The following RARB variants were observed in gnomAD, a reference collection of about 807,000 sequenced individuals.
The protein encoded by RARB is retinoic acid receptor beta.
A neutral mutation model predicts 51.9 loss-of-function variants in RARB; 17 were observed. The ratio of observed to expected loss-of-function variants is 0.33; its 90% CI spans 0.22 to 0.49. RARB has a LOEUF of 0.49. Among genes scored for constraint, RARB ranks in the 20% least tolerant of loss-of-function variants. The probability of loss-of-function intolerance (pLI) is 0.99; values close to 1 mark genes in which losing one functional copy is unlikely to be tolerated. For synonymous variants in RARB, 215 were observed against 195.4 expected (o/e 1.10, Z -0.84); for missense variants, 369 against 550.8 (o/e 0.67, Z 3.30).
chr3:25,045,570 C>A (rs1311142318), intron 2 of RARB, among the ~76,000 whole-genome samples: 1 of 152,212 alleles, frequency 6.6e-6, no homozygotes, highest in Admixed American at 6.5e-5. Flanking sequence ...GTTGCTACTT[C>A]TACTACAGTG....
At chr3:25,188,975 A>C (rs1007761905) in intron 5 of RARB, among the ~76,000 whole-genome samples, 1 of 152,146 alleles carries the variant, frequency 6.6e-6, no homozygotes. Context: ...ATAGATAATA[A>C]ATGTTGCTCA....
At chr3:25,170,618 G>A (rs1461826761) in intron 4 of RARB, among the ~76,000 whole-genome samples, 2 of 152,096 alleles carry the variant, frequency 1.3e-5, no homozygotes, top group Admixed American at 1.3e-4. Flanking sequence ...GAAGTATAAG[G>A]TTGGAAGCTT....
chr3:25,140,070 T>A (rs971614865), intron 4 of RARB, among the ~76,000 whole-genome samples: 1 of 149,494 alleles, frequency 6.7e-6, no homozygotes, highest in Non-Finnish European at 1.5e-5. Flanking sequence ...GAGGTGGAGA[T>A]ATACAAGGAC....
intron 5 of RARB, among the ~76,000 whole-genome samples, chr3:25,399,331 T>G (rs1003589104): frequency 1.3e-5 from 2 of 152,144 alleles, no homozygotes; most frequent in Non-Finnish European, 2.9e-5. Context: ...ATTTGCACAT[T>G]TAAAGTACTC....
intron 5 of RARB, among the ~76,000 whole-genome samples, chr3:25,344,982 C>G (rs939499714): frequency 2.8e-4 from 42 of 152,296 alleles, no homozygotes; most frequent in African/African-American, 1.0e-3. Flanking sequence ...TGGTCTTAAG[C>G]ATTTTCTTTT....
chr3:25,487,585 G>T (rs1696534590), intron 2 of RARB, among the ~76,000 whole-genome samples: 1 of 151,666 alleles, frequency 6.6e-6, no homozygotes, highest in Admixed American at 6.6e-5. Flanking sequence ...ATTCAGATCA[G>T]TATATTTTTG....
chr3:24,870,441 G>A (rs927311930), intron 2 of RARB, among the ~76,000 whole-genome samples: 11 of 151,930 alleles, frequency 7.2e-5, no homozygotes, highest in African/African-American at 2.4e-4. Context: ...TCAAATTTCT[G>A]TATGTATTTT....
chr3:25,047,994 A>C (rs890970962), intron 2 of RARB, among the ~76,000 whole-genome samples: 1 of 152,154 alleles, frequency 6.6e-6, no homozygotes, highest in Non-Finnish European at 1.5e-5. Flanking sequence ...TGGTTTCATA[A>C]ATGGGAGTTC....
intron 3 of RARB, among the ~76,000 whole-genome samples, chr3:25,508,755 G>A (rs1327736315): frequency 6.6e-6 from 1 of 151,844 alleles, no homozygotes; most frequent in Non-Finnish European, 1.5e-5. Flanking sequence ...AATCCCTGAA[G>A]AGCCCCCCAA....
At chr3:25,320,922 A>G (rs1217924236) in intron 5 of RARB, among the ~76,000 whole-genome samples, 1 of 152,250 alleles carries the variant, frequency 6.6e-6, no homozygotes, top group Non-Finnish European at 1.5e-5. Context: ...AACAGAGGAT[A>G]GAACCTGGAA....
chr3:25,438,035 C>T (rs573721745), intron 1 of RARB, among the ~76,000 whole-genome samples: 14 of 152,320 alleles, frequency 9.2e-5, no homozygotes, highest in African/African-American at 2.9e-4. Flanking sequence ...CCCTCTGCTC[C>T]GCATGCTGTC....
chr3:24,838,992 A>G (rs1669478669), intron 1 of RARB, among the ~76,000 whole-genome samples: 1 of 151,740 alleles, frequency 6.6e-6, no homozygotes, highest in African/African-American at 2.4e-5. Flanking sequence ...AACCTAATAT[A>G]TTATGGGATG....
chr3:25,326,338 G>A (rs1704715833), intron 5 of RARB, among the ~76,000 whole-genome samples: 1 of 152,046 alleles, frequency 6.6e-6, no homozygotes, highest in Admixed American at 6.5e-5. Context: ...ACTGATAGTT[G>A]GACAAAGGTT....
rs573421106 is a variant in RARB, at chr3:25,486,470, C to T, written c.307-14712C>T. ...GCCCTGGCAGAGGATATTTGGCCAA[C>T]GAAGTCACTCTCCCATGCAACCTTC... is the stretch of plus-strand genomic sequence containing the variant. On this transcript the variant is annotated intron_variant, in intron 2 of 7. Coordinates refer to ENST00000330688, the MANE Select transcript of RARB (RefSeq NM_000965.5). Among the ~76,000 whole-genome samples the T allele has an allele frequency of 2.2e-4, 33 of 152,286 alleles. No individual in the cohort carries two copies. In the South Asian group the frequency reaches 5.6e-3, roughly 26 times the overall value.
intron 1 of RARB, among the ~76,000 whole-genome samples, chr3:24,831,570 A>G (rs1702282169): frequency 6.6e-6 from 1 of 152,176 alleles, no homozygotes; most frequent in Admixed American, 6.5e-5. Context: ...CATCATTTGC[A>G]TAAATGAATA....
intron 2 of RARB, among the ~76,000 whole-genome samples, chr3:24,936,403 T>C (rs1259260785): frequency 1.3e-5 from 2 of 152,130 alleles, no homozygotes; most frequent in African/African-American, 4.8e-5. Flanking sequence ...ATAATCTCAG[T>C]TTAAAAGTCA....
At position 25,284,073 on chromosome 3, in the gene RARB, C is replaced by T. The variant is rs1703590365; in HGVS notation, c.178+109498C>T. Among the ~76,000 whole-genome samples the T allele has an allele frequency of 3.3e-5, 5 of 152,200 alleles. 1 individual carries two copies. In the South Asian group the frequency reaches 1.0e-3, roughly 31 times the overall value. ...CTTCCCTTCATTCCTCCCTCCTTCTCATTTTGCTGCATTGATGAAGTAAAC... is the reference window on the plus strand; with the variant it reads ...CTTCCCTTCATTCCTCCCTCCTTCTTATTTTGCTGCATTGATGAAGTAAAC... On this transcript the variant is annotated intron_variant, in intron 5 of 11. Coordinates refer to the RARB transcript ENST00000383772.
chr3:25,118,946 GTAAA>G (rs1259619304), intron 3 of RARB, among the ~76,000 whole-genome samples: 2 of 152,058 alleles, frequency 1.3e-5, no homozygotes, highest in African/African-American at 4.8e-5. Context: ...AAAAATATCA[GTAAA>G]TAGAGTATCC....
intron 5 of RARB, among the ~76,000 whole-genome samples, chr3:25,182,131 G>A (rs1438272589): frequency 6.6e-6 from 1 of 152,164 alleles, no homozygotes; most frequent in South Asian, 2.1e-4. Flanking sequence ...CATACAGCAG[G>A]TGATATGTGT....
Sources: allele counts gnomAD v4.1 joint callset (sites outside exome capture counted in the v4.1 genomes callset), GRCh38; gene constraint gnomAD v4.1.1; transcripts MANE v1.5; gene names NCBI Gene and HGNC (gene_info 2026-07-23, HGNC 2026-07-21).